Variants in CUBN observed in about 807,000 individuals in gnomAD.
CUBN encodes the protein 460 kDa receptor.
CUBN carries 282 observed loss-of-function variants against 405.3 expected under a neutral mutation model. The ratio of observed to expected loss-of-function variants is 0.70; its 90% CI spans 0.63 to 0.77. The LOEUF (loss-of-function observed/expected upper bound fraction) is 0.77, where lower values mean the gene tolerates loss of function less well. CUBN is among the 30% of genes least tolerant of loss of function. The probability of loss-of-function intolerance (pLI) is 0.00; values close to 1 mark genes in which losing one functional copy is unlikely to be tolerated. For missense variants in CUBN, 4,514 were observed against 4,475.2 expected (o/e 1.01, Z -0.25); for synonymous variants, 1,684 against 1,617.0 (o/e 1.04, Z -0.99).
At chr10:16,959,339 T>A (rs12221306) in intron 31 of CUBN, among the ~76,000 whole-genome samples, 104,433 of 152,158 alleles carry the variant, frequency 0.69, 36,474 homozygotes, top group African/African-American at 0.82. Context: ...TATCAAATCA[T>A]TATTCTCAGG....
intron 56 of CUBN, among the ~76,000 whole-genome samples, chr10:16,878,269 T>C (rs1314720672): frequency 6.6e-6 from 1 of 152,092 alleles, no homozygotes; most frequent in African/African-American, 2.4e-5. Context: ...GCCTGGGTGA[T>C]AGCACAAGAC....
rs115567947 is a variant in CUBN at position 16,845,741 on chromosome 10, C to G, written c.9664-4694G>C. Among the ~76,000 whole-genome samples the G allele has an allele frequency of 3.2e-3, 483 of 152,294 alleles. 1 individual carries two copies. The highest frequency in any genetic ancestry group is 0.011 in the African/African-American group (460 of 41,560). On this transcript the variant is annotated intron_variant, in intron 60 of 66. Transcript: ENST00000377833. ...AGGTACGACCTCATGTGGATAGGAA[C>G]GTGATGCCTTCCATAGACTGCTGAT...
At chr10:16,834,362 C>G (rs1839103844) in intron 64 of CUBN, among the ~76,000 whole-genome samples, 1 of 151,950 alleles carries the variant, frequency 6.6e-6, no homozygotes, top group South Asian at 2.1e-4. Flanking sequence ...GCTCCAGGCA[C>G]AAGGGGGCTT....
At chr10:16,832,781 T>C (rs1839047226) in intron 64 of CUBN, among the ~76,000 whole-genome samples, 1 of 152,052 alleles carries the variant, frequency 6.6e-6, no homozygotes, top group Admixed American at 6.6e-5. Flanking sequence ...ATTCCAAGCA[T>C]GGTCTAGAGC....
rs760017989 is a variant in CUBN at position 16,899,198 on chromosome 10, T to G, written c.8411-15A>C. ...TCCACCACAACCTGAAATATTGCCA[T>G]GTAAAAAGCCATCAATCAGCAAGGA... On this transcript the variant is annotated splice_polypyrimidine_tract_variant and intron_variant, in intron 53 of 66. Coordinates refer to ENST00000377833, the MANE Select transcript of CUBN (RefSeq NM_001081.4). 8.1e-6 allele frequency: 13 copies of G among 1,608,654 alleles called. No homozygotes were observed. The highest frequency in any genetic ancestry group is 1.1e-5 in the Non-Finnish European group (13 of 1,174,960).
chr10:17,117,148 C>A (rs74117709), intron 6 of CUBN, among the ~76,000 whole-genome samples: 13 of 151,586 alleles, frequency 8.6e-5, no homozygotes, highest in African/African-American at 2.9e-4. Context: ...TTATATTCCC[C>A]GCATCTCTCT....
chr10:17,065,129 TCCC>T lies in CUBN; in HGVS notation c.3139+376_3139+378del, dbSNP rs11368099. On this transcript the variant is annotated intron_variant, in intron 22 of 66. Transcript: ENST00000377833. ...TTACTTTATCATTTCTCTCTCTCTC[TCCC>T]CCCCCCCCCACACACACATGCACAG... is the stretch of plus-strand genomic sequence containing the variant. Among the ~76,000 whole-genome samples, 38 of 121,558 alleles carry T rather than the reference TCCC, an allele frequency of 3.1e-4. No homozygotes were observed. In the South Asian group the frequency reaches 6.0e-3, roughly 19 times the overall value. The allele number at this position is 121,558 out of a possible 152,430, so 79.7% of individuals were successfully genotyped here. A position where few individuals can be genotyped will look rare whatever the true frequency, so the allele number is the denominator to read the frequency against.
At chr10:17,078,132 G>T (rs1378299415) in intron 17 of CUBN, among the ~76,000 whole-genome samples, 1 of 152,004 alleles carries the variant, frequency 6.6e-6, no homozygotes, top group Non-Finnish European at 1.5e-5. Flanking sequence ...CATTCATTGT[G>T]TGACAGGCAC....
At position 16,907,523 on chromosome 10, in the gene CUBN, A is replaced by G. The variant is rs1321176996; in HGVS notation, c.7690T>C (p.Ser2564Pro). The change falls in exon 49 of 67, where the codon TCC becomes CCC. Residue 2564 changes from serine (S) to proline (P), a missense_variant. By Grantham distance (74) the Ser-to-Pro change is moderately conservative. Coordinates refer to ENST00000377833, the MANE Select transcript of CUBN (RefSeq NM_001081.4). ...CCTACATTACCTGCATCTTCACTGG[A>G]GGTATAGGAAGCAGTGAAGCCGCCA... ...PYGGFTASYT[S>P]SEDAVCGGSL... 1 of 1,613,908 alleles carries G rather than the reference A, an allele frequency of 6.2e-7. No homozygotes were observed. Among genetic ancestry groups the G allele is most frequent in the Non-Finnish European group, 8.5e-7 (1 of 1,180,012 alleles).
chr10:16,837,560 G>A (rs1330372086), intron 62 of CUBN, among the ~76,000 whole-genome samples: 2 of 152,002 alleles, frequency 1.3e-5, no homozygotes, highest in Non-Finnish European at 2.9e-5. Context: ...TTATAGACAA[G>A]CCATTAAACA....
rs533261293 is a variant in CUBN at position 17,093,941 on chromosome 10, T to A, written c.1766-5596A>T. 3.3e-5 allele frequency among the ~76,000 whole-genome samples: 5 copies of A among 152,038 alleles called. No homozygotes were observed. The South Asian group carries it at 1.0e-3, about 32-fold the overall frequency. The stretch of plus-strand genomic sequence containing the variant: ...TTAGAAACAGTCAAAACCTTCAGCA[T>A]ATGTGTAATTTGAGTCTCAGAAGGA... On this transcript the variant is annotated intron_variant, in intron 14 of 66. Coordinates refer to ENST00000377833, the MANE Select transcript of CUBN (RefSeq NM_001081.4).
chr10:16,928,069 C>CA, intron 41 of CUBN, 88 bp downstream of exon 41: 1 of 1,492,254 alleles, frequency 6.7e-7, no homozygotes, highest in Non-Finnish European at 9.3e-7. Flanking sequence ...TCCTGGTGCC[C>CA]AAAAACATTA....
intron 40 of CUBN, among the ~76,000 whole-genome samples, chr10:16,930,291 G>T (rs985411264): frequency 1.3e-5 from 2 of 152,168 alleles, no homozygotes; most frequent in African/African-American, 4.8e-5. Flanking sequence ...TGCTTCACAT[G>T]TACTATCTGA....
chr10:16,918,845 T>A, intron 44 of CUBN, 45 bp from the exon 45 acceptor site: 1 of 1,536,946 alleles, frequency 6.5e-7, no homozygotes, highest in South Asian at 1.1e-5. Flanking sequence ...GGTCAGATGC[T>A]TATTTTGATA....
chr10:17,033,118 T>TGAAA (rs756750843), intron 27 of CUBN, among the ~76,000 whole-genome samples: 3 of 152,228 alleles, frequency 2.0e-5, no homozygotes, highest in Non-Finnish European at 4.4e-5. Flanking sequence ...ACCACATCCT[T>TGAAA]GAAAGACCTC....
intron 20 of CUBN, 106 bp from the exon 21 acceptor site, chr10:17,068,386 T>C: frequency 8.1e-7 from 1 of 1,227,974 alleles, no homozygotes; most frequent in South Asian, 1.3e-5. Flanking sequence ...AGGAAAAATG[T>C]TTCTTAGTTG....
At chr10:17,035,041 G>A (rs1834864581) in intron 27 of CUBN, among the ~76,000 whole-genome samples, 1 of 150,242 alleles carries the variant, frequency 6.7e-6, no homozygotes, top group African/African-American at 2.4e-5. Flanking sequence ...CTAAGGTTTT[G>A]GGGATTCAAA....
chr10:16,914,132 AT>A, intron 47 of CUBN, 140 bp from the exon 48 acceptor site: 1 of 903,618 alleles, frequency 1.1e-6, no homozygotes, highest in Non-Finnish European at 1.7e-6. Flanking sequence ...GTGCATGAGG[AT>A]TTTAGTGAAC....
rs749768782 is a variant in CUBN at position 16,863,706 on chromosome 10, A to AT, written c.9454+5929dup. Reference sequence around the variant, plus strand: ...CAGAAGTCTGAATTGGACATGTTAGATTTTTTTTTCCATTTGTTGTGACCA... The same window carrying AT: ...CAGAAGTCTGAATTGGACATGTTAGATTTTTTTTTTCCATTTGTTGTGACCA... On this transcript the variant is annotated intron_variant, in intron 59 of 66. Coordinates refer to ENST00000377833, the MANE Select transcript of CUBN (RefSeq NM_001081.4). Among the ~76,000 whole-genome samples, 17 of 151,876 alleles carry AT rather than the reference A, an allele frequency of 1.1e-4. No homozygotes were observed. In the South Asian group the frequency reaches 2.1e-3, roughly 19 times the overall value.
Sources: gnomAD v4.1 joint callset for allele counts (sites outside exome capture counted in the v4.1 genomes callset) on GRCh38, gnomAD v4.1.1 for gene constraint, MANE v1.5 for transcripts, NCBI Gene and HGNC (gene_info 2026-07-23, HGNC 2026-07-21) for gene names.